EGFLAM: variants seen among roughly 807,000 people sequenced by gnomAD.
EGFLAM encodes pikachurin.
In EGFLAM, 79 loss-of-function variants were observed where a neutral mutation model predicts 113.1. The ratio of observed to expected loss-of-function variants is 0.70; its 90% confidence interval spans 0.58 to 0.84. EGFLAM has a LOEUF of 0.84. EGFLAM is among the 40% of genes least tolerant of loss of function. The pLI is 0.00. For synonymous variants in EGFLAM, 504 were observed against 487.6 expected, an observed-to-expected ratio of 1.03 and a Z score of -0.44; for missense variants, 1,265 against 1,291.6, an observed-to-expected ratio of 0.98 and a Z score of 0.32.
intron 1 of EGFLAM, among the ~76,000 whole-genome samples, chr5:38,300,437 G>A (rs899296712): frequency 4.0e-5 from 6 of 150,016 alleles, no homozygotes; most frequent in Middle Eastern, 3.4e-3. Flanking sequence ...GTGCAGTGAC[G>A]CAATCTCGGC....
intron 3 of EGFLAM, among the ~76,000 whole-genome samples, chr5:38,346,783 A>G (rs917373203): frequency 6.6e-6 from 1 of 152,192 alleles, no homozygotes; most frequent in Non-Finnish European, 1.5e-5. Flanking sequence ...GAGTGAGAAC[A>G]GAGGGTTGGA....
intron 6 of EGFLAM, among the ~76,000 whole-genome samples, chr5:38,393,611 G>T (rs753038305): frequency 6.6e-6 from 1 of 152,154 alleles, no homozygotes; most frequent in Non-Finnish European, 1.5e-5. Context: ...GACCCCCTTC[G>T]TGGGCTGGAA....
At chr5:38,267,812 T>A (rs913644330) in intron 1 of EGFLAM, among the ~76,000 whole-genome samples, 1 of 152,224 alleles carries the variant, frequency 6.6e-6, no homozygotes, top group Non-Finnish European at 1.5e-5. Context: ...ACGTTCCAAG[T>A]GGCAGCAAAT....
chr5:38,360,402 T>C (rs1739887201), intron 5 of EGFLAM, among the ~76,000 whole-genome samples: 1 of 152,116 alleles, frequency 6.6e-6, no homozygotes, highest in South Asian at 2.1e-4. Flanking sequence ...TTGATTCCAG[T>C]CCTCAGTTTC....
rs797021726 is a variant in EGFLAM, at chr5:38,399,277, G to GTTTTTTTTTTTT, written c.713-6842_713-6831dup. On this transcript the variant is annotated intron_variant, in intron 6 of 21. Transcript: ENST00000322350. The stretch of plus-strand genomic sequence containing the variant: ...CAGGTTCTTTTTTATTTTTGTTTTC[G>GTTTTTTTTTTTT]TTTTTTTTTTTTTTTTTTGAGATGG... Among the ~76,000 whole-genome samples, 64 of 118,480 alleles carry GTTTTTTTTTTTT rather than the reference G, an allele frequency of 5.4e-4. 1 individual carries two copies. The highest frequency in any genetic ancestry group is 9.1e-4 in the Non-Finnish European group (52 of 57,094). The allele number at this position is 118,480 out of a possible 152,430, so 77.7% of individuals were successfully genotyped here.
intron 20 of EGFLAM, among the ~76,000 whole-genome samples, chr5:38,461,556 G>A (rs915350322): frequency 1.3e-5 from 2 of 151,798 alleles, no homozygotes; most frequent in South Asian, 2.1e-4. Context: ...AAGCTGTTGC[G>A]GGTTCTGCCT....
chr5:38,350,239 T>G (rs1244921601), intron 3 of EGFLAM, among the ~76,000 whole-genome samples: 1 of 152,170 alleles, frequency 6.6e-6, no homozygotes, highest in Admixed American at 6.5e-5. Flanking sequence ...ATGTTCACAG[T>G]AACATTTGCT....
In EGFLAM at chr5:38,373,651, T is replaced by G. The variant is rs961392400; in HGVS notation, c.712+3189T>G. 4.9e-4 allele frequency among the ~76,000 whole-genome samples: 75 copies of G among 152,096 alleles called. 2 individuals are homozygous for G. The highest frequency in any genetic ancestry group is 4.7e-3 in the Admixed American group (71 of 15,258). On this transcript the variant is annotated intron_variant, in intron 6 of 21. Coordinates refer to ENST00000322350, the MANE Select transcript of EGFLAM (RefSeq NM_152403.4). ...GTGTATATATACCACATTTTCTTTA[T>G]TCAGTCAACTTTTGATAGATACTTA...
intron 12 of EGFLAM, among the ~76,000 whole-genome samples, chr5:38,424,377 G>A (rs765223524): frequency 6.6e-5 from 10 of 152,180 alleles, no homozygotes; most frequent in Non-Finnish European, 1.5e-4. Flanking sequence ...TAGAAATAGG[G>A]ATTCTGAAAC....
chr5:38,294,304 A>G (rs1758403895), intron 1 of EGFLAM, among the ~76,000 whole-genome samples: 1 of 152,242 alleles, frequency 6.6e-6, no homozygotes, highest in African/African-American at 2.4e-5. Context: ...AAACCTGCTA[A>G]CATCTCATTG....
intron 19 of EGFLAM, 123 bp from the exon 20 acceptor site, chr5:38,458,188 T>G: frequency 1.3e-6 from 1 of 789,180 alleles, no homozygotes; most frequent in Non-Finnish European, 2.0e-6. Flanking sequence ...TCTTGTTTTT[T>G]GTTAAGGAAA....
chr5:38,426,269 A>G (rs1742006746), intron 13 of EGFLAM, among the ~76,000 whole-genome samples: 1 of 148,248 alleles, frequency 6.7e-6, no homozygotes, highest in Non-Finnish European at 1.5e-5. Context: ...GTATATAAAC[A>G]TGGAAACACA....
At chr5:38,379,102 G>T (rs556662160) in intron 6 of EGFLAM, among the ~76,000 whole-genome samples, 5 of 152,162 alleles carry the variant, frequency 3.3e-5, no homozygotes, top group Admixed American at 6.5e-5. Context: ...AGAACAAAAA[G>T]TTTCCTCTCT....
At chr5:38,394,030 G>T (rs537404984) in intron 6 of EGFLAM, among the ~76,000 whole-genome samples, 1 of 152,236 alleles carries the variant, frequency 6.6e-6, no homozygotes, top group South Asian at 2.1e-4. Context: ...AGCCATCTCC[G>T]GCTAGGCCCA....
intron 6 of EGFLAM, among the ~76,000 whole-genome samples, chr5:38,392,132 A>C (rs1740829873): frequency 6.6e-6 from 1 of 152,052 alleles, no homozygotes; most frequent in African/African-American, 2.4e-5. Flanking sequence ...GGTAGACCCC[A>C]GTGTCTATTG....
intron 18 of EGFLAM, among the ~76,000 whole-genome samples, chr5:38,448,973 A>G (rs899744970): frequency 2.6e-5 from 4 of 152,156 alleles, no homozygotes; most frequent in Non-Finnish European, 5.9e-5. Context: ...CAGCCATGGC[A>G]TCTCACCCCT....
intron 1 of EGFLAM, among the ~76,000 whole-genome samples, chr5:38,308,428 C>A (rs1758784786): frequency 6.6e-6 from 1 of 152,188 alleles, no homozygotes. Flanking sequence ...GGGAAAGAAG[C>A]TTGGCAACTT....
At chr5:38,389,509 G>T (rs573551334) in intron 6 of EGFLAM, among the ~76,000 whole-genome samples, 1 of 152,078 alleles carries the variant, frequency 6.6e-6, no homozygotes, top group East Asian at 1.9e-4. Flanking sequence ...CTAATTGCTT[G>T]TCTATGTAGA....
intron 5 of EGFLAM, among the ~76,000 whole-genome samples, chr5:38,363,846 G>A (rs943748079): frequency 6.6e-6 from 1 of 152,164 alleles, no homozygotes; most frequent in African/African-American, 2.4e-5. Flanking sequence ...TTTCTCACAG[G>A]ATCAGATAGT....
Sources: allele counts gnomAD v4.1 joint callset (sites outside exome capture counted in the v4.1 genomes callset), GRCh38; gene constraint gnomAD v4.1.1; transcripts MANE v1.5; gene names NCBI Gene and HGNC (gene_info 2026-07-23, HGNC 2026-07-21).